STX11: variants seen among roughly 807,000 people sequenced by gnomAD.
STX11 encodes the protein syntaxin 11.
STX11 carries 21 observed loss-of-function variants against 19.9 expected under a neutral mutation model. The observed-to-expected ratio is 1.06, with a 90% CI of 0.75 to 1.52. The LOEUF is 1.52. Among genes scored for constraint, STX11 ranks in the 40% most tolerant of loss-of-function variants. STX11 has a pLI of 0.00. For synonymous variants in STX11, 193 were observed against 174.4 expected, an observed-to-expected ratio of 1.11 and a Z score of -0.84; for missense variants, 438 against 405.9, an observed-to-expected ratio of 1.08 and a Z score of -0.68.
chr6:144,182,868 A>G lies in STX11; in HGVS notation c.-5-3755A>G, dbSNP rs1801940986. 6.6e-6 allele frequency among the ~76,000 whole-genome samples: 1 copy of G among 152,206 alleles called. No homozygotes were observed. Among genetic ancestry groups the G allele is most frequent in the Non-Finnish European group, 1.5e-5 (1 of 68,038 alleles). On this transcript the variant is annotated intron_variant, in intron 1 of 1. Transcript: ENST00000367568. This position sits in a 1 kb window ranked among gnomAD's most constrained non-coding sequence, Gnocchi z 4.8. The stretch of plus-strand genomic sequence containing the variant: ...TCACCTATTCTTGCCTTGTTCATCA[A>G]AATGCATCCATTCCATCTCATCCAC...
rs1311344281 is a variant in STX11 at position 144,191,501 on chromosome 6, T to C, written c.*4010T>C. Among the ~76,000 whole-genome samples, 1 of 148,222 alleles carries C rather than the reference T, an allele frequency of 6.7e-6. No homozygotes were observed. Among genetic ancestry groups the C allele is most frequent in the Non-Finnish European group, 1.5e-5 (1 of 67,406 alleles). ...GGCTCTAACATATAAAGTTCCTAAC[T>C]TGACAGGAAACTACTGAAGATTGTG... On this transcript the variant is annotated 3_prime_UTR_variant, in exon 2 of 2. Transcript: ENST00000367568.
In STX11 at chr6:144,176,979, T is replaced by G. The variant is rs1801793548; in HGVS notation, c.-5-9644T>G. 6.6e-6 allele frequency among the ~76,000 whole-genome samples: 1 copy of G among 152,192 alleles called. No homozygotes were observed. Among genetic ancestry groups the G allele is most frequent in the Non-Finnish European group, 1.5e-5 (1 of 68,034 alleles). ...AAAAGATATCAGCCATATATAAGAA[T>G]ATTTTTTCTGGGAGAATTTAACAGG... On this transcript the variant is annotated intron_variant, in intron 1 of 1. Transcript: ENST00000367568. The surrounding 1 kb of genome is among the most constrained non-coding windows in gnomAD (Gnocchi z 4.1).
rs1172858156 is a variant in STX11 at position 144,180,128 on chromosome 6, G to A, written c.-5-6495G>A. On this transcript the variant is annotated intron_variant, in intron 1 of 1. Coordinates refer to ENST00000367568, the MANE Select transcript of STX11 (RefSeq NM_003764.4). The surrounding 1 kb of genome is among the most constrained non-coding windows in gnomAD (Gnocchi z 5.3). Reference sequence around the variant, plus strand: ...CATGTCTGAAAATTTCTCACTACTTGTAAAAATACTTTAACATCTTGCTGT... The same window carrying A: ...CATGTCTGAAAATTTCTCACTACTTATAAAAATACTTTAACATCTTGCTGT... Among the ~76,000 whole-genome samples the A allele has an allele frequency of 6.6e-6, 1 of 152,142 alleles. No individual in the cohort carries two copies. Among genetic ancestry groups the A allele is most frequent in the Non-Finnish European group, 1.5e-5 (1 of 68,034 alleles).
intron 1 of STX11, among the ~76,000 whole-genome samples, chr6:144,171,705 CTT>C (rs200603148): frequency 8.1e-6 from 1 of 124,202 alleles, no homozygotes; most frequent in Non-Finnish European, 1.6e-5. Context: ...GTGAGATAAT[CTT>C]TTTTTTAGCA....
chr6:144,186,761 A>G lies in STX11; in HGVS notation c.134A>G (p.Tyr45Cys), dbSNP rs1802049614. ...FETDHILESL[Y>C]RDIRDIQDEN... Reference sequence around the variant, plus strand: ...ACGGACCACATCCTGGAGTCCCTGTACCGAGACATCCGGGACATTCAGGAT... The same window carrying G: ...ACGGACCACATCCTGGAGTCCCTGTGCCGAGACATCCGGGACATTCAGGAT... The change falls in exon 2 of 2, where the codon TAC becomes TGC. Residue 45 changes from tyrosine to cysteine, a missense_variant. Transcript: ENST00000367568. The G allele has an allele frequency of 6.2e-7, 1 of 1,614,098 alleles. No homozygotes were observed. The highest frequency in any genetic ancestry group is 8.5e-7 in the Non-Finnish European group (1 of 1,180,032).
rs550550492 is a variant in STX11, at chr6:144,191,148, T to C, written c.*3657T>C. 6.7e-4 allele frequency among the ~76,000 whole-genome samples: 101 copies of C among 151,276 alleles called. No homozygotes were observed. Among genetic ancestry groups the C allele is most frequent in the African/African-American group, 2.3e-3 (94 of 41,104 alleles). ...AGAATCTTTTATAGCTATTTTAACA[T>C]ATACAGTGACTACTTTCTACTAGCC... On this transcript the variant is annotated 3_prime_UTR_variant, in exon 2 of 2. Coordinates refer to ENST00000367568, the MANE Select transcript of STX11 (RefSeq NM_003764.4).
chr6:144,147,361 C>A (rs61249035), upstream of STX11, among the ~76,000 whole-genome samples: 925 of 152,324 alleles, frequency 6.1e-3, 42 homozygotes, highest in East Asian at 0.11. This position sits in a 1 kb window ranked among gnomAD's most constrained non-coding sequence, Gnocchi z 4.2. Flanking sequence ...ATTTTACACA[C>A]TGTAGCAGCA....
Position 144,166,525 on chromosome 6 carries a change from C to CTT in STX11, c.-6+15840_-6+15841dup, listed in dbSNP as rs1174123119. 4.2e-3 allele frequency among the ~76,000 whole-genome samples: 533 copies of CTT among 125,492 alleles called. 8 individuals are homozygous for CTT. Among genetic ancestry groups the CTT allele is most frequent in the East Asian group, 0.036 (153 of 4,232 alleles). 82.3% of individuals were successfully genotyped at this position (125,492 alleles called of 152,430 possible). On this transcript the variant is annotated intron_variant, in intron 1 of 1. Coordinates refer to ENST00000367568, the MANE Select transcript of STX11 (RefSeq NM_003764.4). ...CTTTCTGTTTCTTTTCTTTTCTTTC[C>CTT]TTTTTTTTTTTTTTTTTTTGAGAAA... is the stretch of plus-strand genomic sequence containing the variant.
At chr6:144,171,644 C>G (rs1164224124) in intron 1 of STX11, among the ~76,000 whole-genome samples, 1 of 152,170 alleles carries the variant, frequency 6.6e-6, no homozygotes, top group African/African-American at 2.4e-5. Flanking sequence ...ATTTAGCACA[C>G]TGTATTATCG....
rs1801811642 is a variant in STX11 at position 144,177,769 on chromosome 6, G to A, written c.-5-8854G>A. On this transcript the variant is annotated intron_variant, in intron 1 of 1. Transcript: ENST00000367568. This position sits in a 1 kb window ranked among gnomAD's most constrained non-coding sequence, Gnocchi z 4.4. ...CGTCTCAAAAAAAAGAAGAAAGAAAGCTCATCTACTGTCCTTTCCTGCTGT... is the reference window on the plus strand; with the variant it reads ...CGTCTCAAAAAAAAGAAGAAAGAAAACTCATCTACTGTCCTTTCCTGCTGT... 6.6e-6 allele frequency among the ~76,000 whole-genome samples: 1 copy of A among 152,080 alleles called. No individual in the cohort carries two copies. The highest frequency in any genetic ancestry group is 2.1e-4 in the South Asian group (1 of 4,824).
chr6:144,171,879 G>C (rs536671490), intron 1 of STX11, among the ~76,000 whole-genome samples: 3 of 152,016 alleles, frequency 2.0e-5, no homozygotes, highest in Admixed American at 6.6e-5. Context: ...ATATCACAAA[G>C]GTCTACTGAA....
At chr6:144,179,886 A>C (rs1167667685) in intron 1 of STX11, among the ~76,000 whole-genome samples, 3 of 152,248 alleles carry the variant, frequency 2.0e-5, no homozygotes, top group African/African-American at 7.2e-5. Flanking sequence ...ATAGAATCTG[A>C]AAATCAGAAC....
At chr6:144,150,084 C>G (rs1225219371), upstream of STX11, among the ~76,000 whole-genome samples, 1 of 149,970 alleles carries the variant, frequency 6.7e-6, no homozygotes, top group Non-Finnish European at 1.5e-5. Flanking sequence ...CCCGCGTCCT[C>G]GAGGGTCCCA....
At chr6:144,149,855 C>T (rs913235548), upstream of STX11, among the ~76,000 whole-genome samples, 2 of 152,228 alleles carry the variant, frequency 1.3e-5, no homozygotes, top group South Asian at 2.1e-4. The surrounding 1 kb of genome is among the most constrained non-coding windows in gnomAD (Gnocchi z 5.1). Context: ...CACCACCTGG[C>T]ACAATCCACA....
Position 144,165,949 on chromosome 6 carries a change from T to C in STX11, c.-6+15246T>C, listed in dbSNP as rs893383050. 6.6e-6 allele frequency among the ~76,000 whole-genome samples: 1 copy of C among 152,216 alleles called. No homozygotes were observed. Among genetic ancestry groups the C allele is most frequent in the African/African-American group, 2.4e-5 (1 of 41,446 alleles). The stretch of plus-strand genomic sequence containing the variant: ...TTGCTCAACTTCTCGCAGCTAGAGA[T>C]GGAAATGGGAATAAGCCCTCGCTTA... On this transcript the variant is annotated intron_variant, in intron 1 of 1. Transcript: ENST00000367568. The surrounding 1 kb of genome is among the most constrained non-coding windows in gnomAD (Gnocchi z 5.8).
intron 1 of STX11, among the ~76,000 whole-genome samples, chr6:144,157,366 C>T (rs890594301): frequency 6.6e-6 from 1 of 152,174 alleles, no homozygotes; most frequent in Non-Finnish European, 1.5e-5. Flanking sequence ...CAGTCCAGGG[C>T]AATTTCTGGA....
At position 144,172,815 on chromosome 6, in the gene STX11, G is replaced by A. The variant is rs976706174; in HGVS notation, c.-5-13808G>A. The stretch of plus-strand genomic sequence containing the variant: ...TTGATCCCAAGACAATGAACAGGCT[G>A]TCTTTCCCATACACATCCAACATAT... On this transcript the variant is annotated intron_variant, in intron 1 of 1. Coordinates refer to ENST00000367568, the MANE Select transcript of STX11 (RefSeq NM_003764.4). This position sits in a 1 kb window ranked among gnomAD's most constrained non-coding sequence, Gnocchi z 4.2. 6.6e-6 allele frequency among the ~76,000 whole-genome samples: 1 copy of A among 151,622 alleles called. No individual in the cohort carries two copies. The highest frequency in any genetic ancestry group is 1.5e-5 in the Non-Finnish European group (1 of 67,960).
Position 144,150,600 on chromosome 6 carries a change from C to A in STX11, c.-109C>A, listed in dbSNP as rs573886886. 1 of 985,280 alleles carries A rather than the reference C, an allele frequency of 1.0e-6. No individual in the cohort carries two copies. The highest frequency in any genetic ancestry group is 1.2e-6 in the Non-Finnish European group (1 of 829,948). The allele number at this position is 985,280 out of a possible 1,614,324, so 61.0% of individuals were successfully genotyped here. On this transcript the variant is annotated 5_prime_UTR_variant, in exon 1 of 2. Transcript: ENST00000367568. ...CAGGAGGCGCCGGGAGCGGAGCCGC[C>A]GGGAGTCGCGCAACAGGTTTCCTTC...
chr6:144,187,248 C>T lies in STX11; in HGVS notation c.621C>T (p.Ile207=), dbSNP rs1308709656. 3.1e-6 allele frequency: 5 copies of T among 1,613,634 alleles called. No homozygotes were observed. Among genetic ancestry groups the T allele is most frequent in the Admixed American group, 1.7e-5 (1 of 60,002 alleles). ...VKGARAALNE[I]ESRHRELLRL... The stretch of plus-strand genomic sequence containing the variant: ...GCGCGCGGGCCGCCCTCAACGAGAT[C>T]GAGAGCCGCCACCGCGAACTGCTGC... Residue 207 remains isoleucine, a synonymous_variant, in exon 2 of 2, where the codon ATC becomes ATT. Transcript: ENST00000367568. The surrounding 1 kb of genome is among the most constrained non-coding windows in gnomAD (Gnocchi z 5.6).
Sources: gnomAD v4.1 joint callset for allele counts (sites outside exome capture counted in the v4.1 genomes callset) on GRCh38, gnomAD v4.1.1 for gene constraint, Gnocchi (gnomAD v3.1) non-coding constraint, MANE v1.5 for transcripts, NCBI Gene and HGNC (gene_info 2026-07-23, HGNC 2026-07-21) for gene names.